Variants in ZRANB3 observed in about 807,000 individuals in gnomAD.
ZRANB3 encodes zinc finger RANBP2-type containing 3.
A neutral mutation model predicts 133.8 loss-of-function variants in ZRANB3; 125 were observed. That is an observed-to-expected ratio of 0.93 (90% CI 0.81 to 1.08). The LOEUF (loss-of-function observed/expected upper bound fraction) is 1.08, where lower values mean the gene tolerates loss of function less well. ZRANB3 is among the 50% of genes least tolerant of loss of function. The pLI, the probability that ZRANB3 is intolerant of heterozygous loss-of-function variation, is 0.00. For missense variants in ZRANB3, 1,229 were observed against 1,275.5 expected (o/e 0.96, Z 0.56); for synonymous variants, 387 against 432.7 (o/e 0.89, Z 1.31).
intron 6 of ZRANB3, among the ~76,000 whole-genome samples, chr2:135,344,735 C>T (rs965174990): frequency 1.3e-5 from 2 of 151,676 alleles, no homozygotes; most frequent in African/African-American, 2.4e-5. Flanking sequence ...AGCGAGACTC[C>T]GTCTGAAAAA....
chr2:135,335,780 T>C (rs1684343324), intron 6 of ZRANB3, among the ~76,000 whole-genome samples: 1 of 152,208 alleles, frequency 6.6e-6, no homozygotes, highest in African/African-American at 2.4e-5. Flanking sequence ...AGCATACTTT[T>C]TGAAGACAGC....
chr2:135,238,315 T>C (rs73960617), intron 12 of ZRANB3, among the ~76,000 whole-genome samples: 16,698 of 152,178 alleles, frequency 0.11, 1,177 homozygotes, highest in South Asian at 0.32. Flanking sequence ...GTGGGATCTA[T>C]GTTCTTCTTC....
chr2:135,406,501 T>G (rs574664523), intron 2 of ZRANB3, among the ~76,000 whole-genome samples: 1 of 152,246 alleles, frequency 6.6e-6, no homozygotes, highest in Admixed American at 6.5e-5. Context: ...TACCAAAGCC[T>G]AGCAGAGACA....
At chr2:135,293,431 T>C (rs889907826) in intron 8 of ZRANB3, among the ~76,000 whole-genome samples, 14 of 152,126 alleles carry the variant, frequency 9.2e-5, no homozygotes, top group Non-Finnish European at 1.3e-4. Context: ...CTTGTGATTT[T>C]TGCACATTGA....
intron 3 of ZRANB3, among the ~76,000 whole-genome samples, chr2:135,367,747 C>G (rs572393390): frequency 6.6e-6 from 1 of 152,230 alleles, no homozygotes; most frequent in South Asian, 2.1e-4. Context: ...TCACCATGAT[C>G]TCCAGGGTAG....
chr2:135,469,556 C>T (rs1202622002), intron 2 of ZRANB3, among the ~76,000 whole-genome samples: 1 of 152,116 alleles, frequency 6.6e-6, no homozygotes, highest in East Asian at 1.9e-4. Context: ...GTTTGAATAG[C>T]ATCCCATTTT....
intron 2 of ZRANB3, among the ~76,000 whole-genome samples, chr2:135,399,869 A>G (rs1405692319): frequency 6.6e-6 from 1 of 152,214 alleles, no homozygotes; most frequent in Admixed American, 6.5e-5. Context: ...CTTTCAGTGT[A>G]TAAGGCCTAA....
chr2:135,375,881 CAT>C (rs1686409466), intron 3 of ZRANB3, among the ~76,000 whole-genome samples: 1 of 151,926 alleles, frequency 6.6e-6, no homozygotes. Context: ...ATTGTCTTAC[CAT>C]ATGTTATGGG....
At chr2:135,397,947 CT>C (rs1687568239) in intron 2 of ZRANB3, among the ~76,000 whole-genome samples, 1 of 152,200 alleles carries the variant, frequency 6.6e-6, no homozygotes. Flanking sequence ...GTGGCTGTTT[CT>C]CCATATCTTG....
At chr2:135,342,264 T>C (rs1034775212) in intron 6 of ZRANB3, among the ~76,000 whole-genome samples, 2 of 149,738 alleles carry the variant, frequency 1.3e-5, no homozygotes, top group African/African-American at 5.1e-5. Context: ...GGGGGCCGGT[T>C]CCCCCAATAG....
Position 135,331,863 on chromosome 2 carries a change from GGAGACTTTTACTTT to G in ZRANB3, c.677+13673_677+13686del, listed in dbSNP as rs536672237. Reference sequence around the variant, plus strand: ...TTAAAGTCTGTTTTATCAGACACTAGGAGACTTTTACTTTTTTAAGAAAATGTTTTTTTCTATGT... The same window carrying G: ...TTAAAGTCTGTTTTATCAGACACTAGTTTAAGAAAATGTTTTTTTCTATGT... On this transcript the variant is annotated intron_variant, in intron 6 of 20. Transcript: ENST00000264159. Among the ~76,000 whole-genome samples the G allele has an allele frequency of 2.6e-3, 398 of 152,160 alleles. 4 individuals carry two copies. In the South Asian group the frequency reaches 0.029, roughly 11 times the overall value.
At chr2:135,321,822 T>A in intron 6 of ZRANB3, among the ~76,000 whole-genome samples, 1 of 152,298 alleles carries the variant, frequency 6.6e-6, no homozygotes, top group East Asian at 1.9e-4. Flanking sequence ...TTTGTGTACT[T>A]ATAAATTTAT....
At chr2:135,236,138 CCATCA>C (rs1573730953) in intron 12 of ZRANB3, among the ~76,000 whole-genome samples, 1 of 152,114 alleles carries the variant, frequency 6.6e-6, no homozygotes, top group East Asian at 1.9e-4. Flanking sequence ...TTCTTATACA[CCATCA>C]ACAGACAAAC....
At chr2:135,215,844 T>C (rs1003503598) in intron 17 of ZRANB3, among the ~76,000 whole-genome samples, 18 of 152,068 alleles carry the variant, frequency 1.2e-4, no homozygotes, top group Non-Finnish European at 5.9e-5. Context: ...TGCAATCCTG[T>C]TCACTGTAGG....
chr2:135,375,977 T>C (rs888759395), intron 3 of ZRANB3, among the ~76,000 whole-genome samples: 10 of 152,186 alleles, frequency 6.6e-5, no homozygotes, highest in Admixed American at 5.9e-4. Context: ...TATTTAAAAA[T>C]AGGTTTGCTG....
chr2:135,209,740 T>C (rs541524041), intron 17 of ZRANB3, among the ~76,000 whole-genome samples: 2 of 152,362 alleles, frequency 1.3e-5, no homozygotes, highest in East Asian at 3.9e-4. Flanking sequence ...TTACACCTAT[T>C]GTAGATTTTT....
chr2:135,332,521 A>G (rs913532573), intron 6 of ZRANB3, among the ~76,000 whole-genome samples: 1 of 152,148 alleles, frequency 6.6e-6, no homozygotes, highest in Non-Finnish European at 1.5e-5. Flanking sequence ...GATTCCTCTC[A>G]TTATTCTGGT....
chr2:135,303,309 A>G (rs1682530529), intron 8 of ZRANB3, among the ~76,000 whole-genome samples: 1 of 152,078 alleles, frequency 6.6e-6, no homozygotes, highest in Admixed American at 6.5e-5. Flanking sequence ...AGTTGGGAAT[A>G]TTTTTACATA....
intron 3 of ZRANB3, among the ~76,000 whole-genome samples, chr2:135,374,054 T>C (rs886306696): frequency 6.6e-6 from 1 of 152,046 alleles, no homozygotes; most frequent in Admixed American, 6.6e-5. Flanking sequence ...AACAAATAGA[T>C]GGAACTGTCT....
Sources: allele counts gnomAD v4.1 joint callset (sites outside exome capture counted in the v4.1 genomes callset), GRCh38; gene constraint gnomAD v4.1.1; transcripts MANE v1.5; gene names NCBI Gene and HGNC (gene_info 2026-07-23, HGNC 2026-07-21).